CHST8: variants seen among roughly 807,000 people sequenced by gnomAD.
CHST8 encodes GALNAC-4-ST1.
A neutral mutation model predicts 15.0 loss-of-function variants in CHST8; 10 were observed. The ratio of observed to expected loss-of-function variants is 0.67; its 90% CI spans 0.41 to 1.13. The LOEUF (loss-of-function observed/expected upper bound fraction) is 1.13, where lower values mean the gene tolerates loss of function less well. Among genes scored for constraint, CHST8 ranks in the 50% most tolerant of loss-of-function variants. The pLI is 0.00. For synonymous variants in CHST8, 259 were observed against 256.6 expected (o/e 1.01, Z -0.09); for missense variants, 634 against 608.2 (o/e 1.04, Z -0.45).
At chr19:33,738,246 TG>T (rs1171026760) in intron 3 of CHST8, among the ~76,000 whole-genome samples, 1 of 152,208 alleles carries the variant, frequency 6.6e-6, no homozygotes, top group Non-Finnish European at 1.5e-5. Context: ...AATGTTTGCC[TG>T]GAAAAATTTT....
chr19:33,661,182 T>C (rs957147684), intron 1 of CHST8, among the ~76,000 whole-genome samples: 4 of 152,162 alleles, frequency 2.6e-5, no homozygotes, highest in African/African-American at 4.8e-5. Context: ...TGTGGTGGTG[T>C]GCACCTGTAA....
In CHST8 at chr19:33,710,278, G is replaced by A. The variant is rs1465188038; in HGVS notation, c.130+20887G>A. Among the ~76,000 whole-genome samples the A allele has an allele frequency of 1.8e-4, 27 of 152,138 alleles. 1 individual carries two copies. On this transcript the variant is annotated intron_variant, in intron 3 of 4. Transcript: ENST00000650847. Reference sequence around the variant, plus strand: ...TGTCAATTTTGTTGATCTTTTCAAAGAACCAACTTTTAGTTTCATTGTTTT... The same window carrying A: ...TGTCAATTTTGTTGATCTTTTCAAAAAACCAACTTTTAGTTTCATTGTTTT...
chr19:33,682,187 G>GTTTTTTTTTT (rs869056900), intron 2 of CHST8, among the ~76,000 whole-genome samples: 1 of 95,288 alleles, frequency 1.0e-5, no homozygotes. Flanking sequence ...TTTTGTTGTT[G>GTTTTTTTTTT]TTTTTTTTTT....
chr19:33,659,402 CA>C (rs1268136230), intron 1 of CHST8, among the ~76,000 whole-genome samples: 1 of 151,972 alleles, frequency 6.6e-6, no homozygotes, highest in African/African-American at 2.4e-5. Context: ...TCCTGTAGTC[CA>C]ATATAAGCCC....
intron 3 of CHST8, among the ~76,000 whole-genome samples, chr19:33,756,198 G>A (rs760910328): frequency 2.6e-5 from 4 of 152,188 alleles, no homozygotes; most frequent in Admixed American, 6.5e-5. Context: ...TTCCAGGTGC[G>A]CATGAAGATC....
intron 2 of CHST8, among the ~76,000 whole-genome samples, chr19:33,688,361 T>C (rs1973026932): frequency 6.6e-6 from 1 of 152,158 alleles, no homozygotes; most frequent in Non-Finnish European, 1.5e-5. Context: ...ATACTCTGGG[T>C]CTGCAGTGGC....
chr19:33,672,788 C>T (rs1234701057), intron 2 of CHST8, among the ~76,000 whole-genome samples: 1 of 152,170 alleles, frequency 6.6e-6, no homozygotes, highest in African/African-American at 2.4e-5. Context: ...TCTGACCACC[C>T]TTGGCAGGGG....
At chr19:33,761,400 G>T (rs941436250) in intron 3 of CHST8, among the ~76,000 whole-genome samples, 7 of 151,926 alleles carry the variant, frequency 4.6e-5, no homozygotes, top group Non-Finnish European at 1.0e-4. Flanking sequence ...CACAATCTCA[G>T]CTCACTGCAA....
intron 2 of CHST8, among the ~76,000 whole-genome samples, chr19:33,680,193 G>T (rs1242351145): frequency 6.6e-6 from 1 of 152,208 alleles, no homozygotes; most frequent in East Asian, 1.9e-4. Context: ...ACTTCAAAAG[G>T]TTATTGTGTG....
At chr19:33,694,525 G>A (rs11666546) in intron 3 of CHST8, among the ~76,000 whole-genome samples, 9,527 of 152,010 alleles carry the variant, frequency 0.063, 379 homozygotes, top group Middle Eastern at 0.095. Context: ...GAAATTTAAC[G>A]ATGAAGATAA....
At chr19:33,627,099 G>GA (rs1555709072) in intron 1 of CHST8, among the ~76,000 whole-genome samples, 3 of 63,890 alleles carry the variant, frequency 4.7e-5, no homozygotes, top group Admixed American at 1.5e-4. Flanking sequence ...CTCTTTTTTT[G>GA]GGGGGGGGGC....
chr19:33,639,766 T>C (rs1972254593), intron 1 of CHST8, among the ~76,000 whole-genome samples: 1 of 151,914 alleles, frequency 6.6e-6, no homozygotes, highest in Non-Finnish European at 1.5e-5. Context: ...CTTTTCAACA[T>C]CTTAAGTGAA....
intron 1 of CHST8, among the ~76,000 whole-genome samples, chr19:33,641,162 G>A (rs947373376): frequency 5.3e-5 from 8 of 152,268 alleles, no homozygotes; most frequent in African/African-American, 1.2e-4. Flanking sequence ...TGGCTGTCCC[G>A]AGAGCCCTTC....
intron 1 of CHST8, among the ~76,000 whole-genome samples, chr19:33,639,273 A>C (rs1364970065): frequency 6.6e-6 from 1 of 152,082 alleles, no homozygotes; most frequent in East Asian, 1.9e-4. Flanking sequence ...GGTGACAGCT[A>C]TCTAATGCAA....
At chr19:33,721,898 T>C (rs1354914248) in intron 3 of CHST8, among the ~76,000 whole-genome samples, 1 of 149,444 alleles carries the variant, frequency 6.7e-6, no homozygotes, top group African/African-American at 2.5e-5. Context: ...AGTGGGTAGA[T>C]GGATGGATGG....
At chr19:33,676,963 T>TGTCATTTGAAACATAATTTTTATTATGA (rs1161351065) in intron 2 of CHST8, among the ~76,000 whole-genome samples, 4 of 152,242 alleles carry the variant, frequency 2.6e-5, no homozygotes, top group Admixed American at 6.5e-5. Flanking sequence ...TCATTGGATG[T>TGTCATTTGAAACATAATTTTTATTATGA]GTCATTTGAA....
At chr19:33,668,469 G>A (rs1022515623) in intron 2 of CHST8, among the ~76,000 whole-genome samples, 1 of 152,038 alleles carries the variant, frequency 6.6e-6, no homozygotes, top group Non-Finnish European at 1.5e-5. Context: ...GATAGCCTCC[G>A]AGCAATTAGG....
At chr19:33,644,135 G>A (rs1183385162) in intron 1 of CHST8, among the ~76,000 whole-genome samples, 3 of 152,122 alleles carry the variant, frequency 2.0e-5, no homozygotes, top group African/African-American at 2.4e-5. Flanking sequence ...GTTTCACCAT[G>A]TTGGCCAGGC....
rs375090955 is a variant in CHST8, at chr19:33,669,325, G to A, written c.-87+1482G>A. 3.1e-4 allele frequency among the ~76,000 whole-genome samples: 47 copies of A among 152,292 alleles called. 2 individuals carry two copies. The East Asian group carries it at 3.5e-3, about 11-fold the overall frequency. On this transcript the variant is annotated intron_variant, in intron 2 of 4. Transcript: ENST00000650847. ...TTTGTTTTCTTTGTCCCTTTTGGGT[G>A]TAGCTGAAAATGATACTTGCAGCTC...
Sources: gnomAD v4.1 joint callset for allele counts (sites outside exome capture counted in the v4.1 genomes callset) on GRCh38, gnomAD v4.1.1 for gene constraint, MANE v1.5 for transcripts, NCBI Gene and HGNC (gene_info 2026-07-23, HGNC 2026-07-21) for gene names.